The following ARIH2 variants were observed in gnomAD, a reference collection of about 807,000 sequenced individuals.
ARIH2 encodes E3 ubiquitin-protein ligase ARIH2.
A neutral mutation model predicts 79.8 loss-of-function variants in ARIH2; 12 were observed. The observed-to-expected ratio is 0.15, with a 90% CI of 0.10 to 0.24. ARIH2 has a LOEUF of 0.24. Among genes scored for constraint, ARIH2 ranks in the 10% least tolerant of loss-of-function variants. The pLI is 1.00. For synonymous variants in ARIH2, 224 were observed against 213.9 expected, an observed-to-expected ratio of 1.05 and a Z score of -0.41; for missense variants, 301 against 618.3, an observed-to-expected ratio of 0.49 and a Z score of 5.44.
intron 3 of ARIH2, among the ~76,000 whole-genome samples, chr3:48,959,383 AGTT>A (rs2090996328): frequency 6.6e-6 from 1 of 151,744 alleles, no homozygotes; most frequent in African/African-American, 2.4e-5. Context: ...GTATTTCAGC[AGTT>A]GTTAAAGTTT....
chr3:48,981,270 T>C (rs139688905), intron 13 of ARIH2, among the ~76,000 whole-genome samples: 90 of 151,358 alleles, frequency 5.9e-4, no homozygotes, highest in African/African-American at 2.1e-3. Flanking sequence ...AGGCAGAGTT[T>C]GCAGTGAGTG....
At chr3:48,943,109 C>G (rs550299205) in intron 3 of ARIH2, 2 of 152,292 alleles carry the variant, frequency 1.3e-5, no homozygotes, top group East Asian at 3.9e-4. Flanking sequence ...ACTTAAAGAT[C>G]TCTCTGCCTT....
chr3:48,934,386 TTTTA>T, intron 3 of ARIH2: 1 of 966,944 alleles, frequency 1.0e-6, no homozygotes, highest in Non-Finnish European at 1.2e-6. Context: ...ATCATTCTAT[TTTTA>T]TTTACTTACA....
chr3:48,960,331 A>G (rs1284783685), intron 3 of ARIH2, among the ~76,000 whole-genome samples: 1 of 152,148 alleles, frequency 6.6e-6, no homozygotes, highest in Admixed American at 6.5e-5. Context: ...ATGCACCTGT[A>G]GTGCCCGAGA....
chr3:48,959,265 G>A (rs2090977200), intron 3 of ARIH2, among the ~76,000 whole-genome samples: 1 of 135,878 alleles, frequency 7.4e-6, no homozygotes, highest in African/African-American at 2.8e-5. Context: ...GCAGTGAGCC[G>A]AGATTGCACC....
chr3:48,948,488 A>G (rs1331421398), intron 3 of ARIH2, among the ~76,000 whole-genome samples: 1 of 151,302 alleles, frequency 6.6e-6, no homozygotes, highest in Admixed American at 6.6e-5. Flanking sequence ...GAGTTTCTCC[A>G]TGTTGGTCAG....
chr3:48,931,205 A>G (rs1032373791), intron 3 of ARIH2, among the ~76,000 whole-genome samples: 1 of 152,132 alleles, frequency 6.6e-6, no homozygotes, highest in Non-Finnish European at 1.5e-5. Context: ...CTCCCATCTC[A>G]GCCTCCCAAG....
At chr3:48,980,236 AAGTT>A (rs2092701175) in intron 12 of ARIH2, 113 bp from the exon 13 acceptor site, 1 of 1,031,534 alleles carries the variant, frequency 9.7e-7, no homozygotes, top group Non-Finnish European at 1.4e-6. Flanking sequence ...TTTGGGGAAT[AAGTT>A]AGAGGAGTCT....
At chr3:48,956,638 C>T (rs1179057626) in intron 3 of ARIH2, among the ~76,000 whole-genome samples, 6 of 149,528 alleles carry the variant, frequency 4.0e-5, no homozygotes, top group Non-Finnish European at 5.9e-5. Flanking sequence ...GTGTCTCTTA[C>T]AGAAGGCTGC....
rs201151154 is a variant in ARIH2 at position 48,947,460 on chromosome 3, A to G, written c.256-14152A>G. 1.5e-4 allele frequency among the ~76,000 whole-genome samples: 21 copies of G among 142,422 alleles called. No individual in the cohort carries two copies. In the East Asian group the frequency reaches 3.1e-3, roughly 21 times the overall value. The allele number at this position is 142,422 out of a possible 152,430, so 93.4% of individuals were successfully genotyped here. A position where few individuals can be genotyped will look rare whatever the true frequency, so the allele number is the denominator to read the frequency against. ...CTGTCTCAAAAAAAAAAAAAAAAGG[A>G]AAAAAAAAGCCAGAGAATATTGTAA... On this transcript the variant is annotated intron_variant, in intron 3 of 15. Coordinates refer to ENST00000356401, the MANE Select transcript of ARIH2 (RefSeq NM_006321.4).
chr3:48,927,651 C>T lies in ARIH2; in HGVS notation c.93C>T (p.Asp31=), dbSNP rs373751633. Residue 31 remains aspartate (D), a synonymous_variant, in exon 3 of 16, where the codon GAC becomes GAT. Transcript: ENST00000356401. The part of the protein sequence containing the change: ...CEEEEEEEED[D]PGDIEDYYVG... ...AAGAGGAAGAAGAAGAAGAAGACGA[C>T]CCTGGGGACATAGAGGACTATTACG... is the stretch of plus-strand genomic sequence containing the variant. The T allele has an allele frequency of 2.5e-6, 4 of 1,613,724 alleles. No individual in the cohort carries two copies. The highest frequency in any genetic ancestry group is 1.1e-5 in the South Asian group (1 of 91,050).
chr3:48,953,735 C>T (rs1250235737), intron 3 of ARIH2, among the ~76,000 whole-genome samples: 2 of 151,140 alleles, frequency 1.3e-5, no homozygotes, highest in African/African-American at 4.9e-5. Flanking sequence ...CTTGCTGAGT[C>T]ACCCCGGCTG....
intron 3 of ARIH2, among the ~76,000 whole-genome samples, chr3:48,947,870 ATCAG>A (rs1268734371): frequency 1.3e-5 from 2 of 152,200 alleles, no homozygotes; most frequent in Non-Finnish European, 1.5e-5. Context: ...TTATCTGTCC[ATCAG>A]TCAACTCATT....
intron 11 of ARIH2, among the ~76,000 whole-genome samples, chr3:48,976,165 G>A (rs558717835): frequency 6.7e-6 from 1 of 149,660 alleles, no homozygotes; most frequent in East Asian, 2.0e-4. Flanking sequence ...GCCTACCTTG[G>A]CCTCTTAAAG....
intron 3 of ARIH2, among the ~76,000 whole-genome samples, chr3:48,954,971 G>C (rs1050961705): frequency 2.0e-5 from 3 of 152,202 alleles, no homozygotes; most frequent in Non-Finnish European, 2.9e-5. Flanking sequence ...GCCGAGGCAG[G>C]ATGATCACTT....
intron 7 of ARIH2, among the ~76,000 whole-genome samples, chr3:48,969,042 C>G (rs1285591465): frequency 6.6e-6 from 1 of 152,136 alleles, no homozygotes; most frequent in African/African-American, 2.4e-5. Context: ...CACCACCACT[C>G]GCAGCTAATT....
At chr3:48,937,389 C>T (rs993226688) in intron 3 of ARIH2, among the ~76,000 whole-genome samples, 1 of 152,224 alleles carries the variant, frequency 6.6e-6, no homozygotes, top group South Asian at 2.1e-4. Context: ...AGGATTGACC[C>T]TCTACCCCTT....
At chr3:48,922,193 C>T (rs2084915131) in intron 1 of ARIH2, among the ~76,000 whole-genome samples, 1 of 151,862 alleles carries the variant, frequency 6.6e-6, no homozygotes, top group African/African-American at 2.4e-5. Flanking sequence ...CACTGCACTC[C>T]AACCTGGGTG....
intron 14 of ARIH2, among the ~76,000 whole-genome samples, chr3:48,982,363 G>C (rs1206218422): frequency 6.6e-6 from 1 of 152,122 alleles, no homozygotes; most frequent in Non-Finnish European, 1.5e-5. Flanking sequence ...TTGCATAAAT[G>C]TGTCATTACA....
Sources: allele counts gnomAD v4.1 joint callset (sites outside exome capture counted in the v4.1 genomes callset), GRCh38; gene constraint gnomAD v4.1.1; transcripts MANE v1.5; gene names NCBI Gene and HGNC (gene_info 2026-07-23, HGNC 2026-07-21).